PKM: variants seen among roughly 807,000 people sequenced by gnomAD.
PKM encodes the protein pyruvate kinase M1/2.
In PKM, 18 loss-of-function variants were observed where a neutral mutation model predicts 49.8. The observed-to-expected ratio is 0.36, with a 90% confidence interval of 0.25 to 0.54. The LOEUF (loss-of-function observed/expected upper bound fraction) is 0.54, where lower values mean the gene tolerates loss of function less well. Among genes scored for constraint, PKM ranks in the 20% least tolerant of loss-of-function variants. The pLI, the probability that PKM is intolerant of heterozygous loss-of-function variation, is 0.89. For missense variants in PKM, 508 were observed against 713.8 expected (o/e 0.71, Z 3.28); for synonymous variants, 239 against 261.8 (o/e 0.91, Z 0.84).
intron 1 of PKM, chr15:72,219,321 T>G: frequency 1.9e-6 from 1 of 536,768 alleles, no homozygotes. Flanking sequence ...AGGACCTTAC[T>G]GAACAAGTTA....
chr15:72,202,413 C>G lies in PKM; in HGVS notation c.1307+41G>C. The stretch of plus-strand genomic sequence containing the variant: ...TCCCAGGACCCCCAAGGTGAGGTAC[C>G]ACTGAGCAGGGCATTCCAGGGAGCC... On this transcript the variant is annotated intron_variant, in intron 9 of 10. Coordinates refer to ENST00000335181, the MANE Select transcript of PKM (RefSeq NM_002654.6). The surrounding 1 kb of genome is among the most constrained non-coding windows in gnomAD (Gnocchi z 4.5). 6.3e-7 allele frequency: 1 copy of G among 1,594,244 alleles called. No individual in the cohort carries two copies. The highest frequency in any genetic ancestry group is 1.3e-5 in the African/African-American group (1 of 74,638).
chr15:72,199,609 AG>A lies in PKM; in HGVS notation c.*40del. 1 of 1,225,062 alleles carries A rather than the reference AG, an allele frequency of 8.2e-7. No homozygotes were observed. The highest frequency in any genetic ancestry group is 1.1e-6 in the Non-Finnish European group (1 of 870,962). The allele number at this position is 1,225,062 out of a possible 1,614,324, so 75.9% of individuals were successfully genotyped here. On this transcript the variant is annotated 3_prime_UTR_variant, in exon 11 of 11. Transcript: ENST00000335181. ...CTGGCCTAATGGATGGGCTGGGGGA[AG>A]GGGGTGGGACAGGGGCTGGAGGAGG...
At chr15:72,203,226 AAGG>A (rs942268743) in intron 8 of PKM, 1 of 1,584,838 alleles carries the variant, frequency 6.3e-7, no homozygotes, top group Non-Finnish European at 8.7e-7. Context: ...AGGAAGAGGG[AAGG>A]AGGAGGAAAA....
chr15:72,230,611 G>C (rs1385431192), intron 1 of PKM, among the ~76,000 whole-genome samples: 1 of 152,152 alleles, frequency 6.6e-6, no homozygotes, highest in Non-Finnish European at 1.5e-5. Context: ...ATGGACGCGG[G>C]AGGGGAACCA....
rs115341654 is a variant in PKM, at chr15:72,219,157, T to G, written c.-13-47A>C. ...GAGAGTGGTAAGACTGAGAAGTGGT[T>G]AATATACCATTTAGCACAGAAGGCT... On this transcript the variant is annotated intron_variant, in intron 1 of 10. Transcript: ENST00000335181. The G allele has an allele frequency of 2.0e-3, 3,128 of 1,541,454 alleles. 41 individuals are homozygous for G. The African/African-American group carries it at 0.037, about 18-fold the overall frequency.
In PKM at chr15:72,208,837, T is replaced by C; in HGVS notation, c.620A>G (p.Lys207Arg). 6.2e-7 allele frequency: 1 copy of C among 1,614,122 alleles called. No homozygotes were observed. The highest frequency in any genetic ancestry group is 8.5e-7 in the Non-Finnish European group (1 of 1,180,042). ...AGCAGCCCCAGGAAGGTTCACACCC[T>C]TCTTGCTGCCCAAGGAGCCACCATT... ...VENGGSLGSK[K>R]GVNLPGAAVD... Residue 207 changes from lysine (K) to arginine (R), a missense_variant, in exon 6 of 11, where the codon AAG becomes AGG. By Grantham distance (26) the Lys-to-Arg change is conservative. Transcript: ENST00000335181.
chr15:72,223,119 G>A (rs775004307), intron 1 of PKM, among the ~76,000 whole-genome samples: 9 of 148,200 alleles, frequency 6.1e-5, no homozygotes, highest in Non-Finnish European at 1.2e-4. Context: ...ACCCTCAAAC[G>A]ATCCTCCAGC....
chr15:72,208,692 C>G lies in PKM; in HGVS notation c.765G>C (p.Arg255Ser). 1 of 1,614,166 alleles carries G rather than the reference C, an allele frequency of 6.2e-7. No homozygotes were observed. The highest frequency in any genetic ancestry group is 8.5e-7 in the Non-Finnish European group (1 of 1,180,022). The change falls in exon 6 of 11, where the codon AGG becomes AGC. Residue 255 changes from arginine (R) to serine (S), a missense_variant. Coordinates refer to ENST00000335181, the MANE Select transcript of PKM (RefSeq NM_002654.6). ...TCTTTCCCTTCTCTCCCAGGACCTT[C>G]CTAACTTCATGGACATCAGATGCCT... ...IRKASDVHEV[R>S]KVLGEKGKNI...
At chr15:72,223,491 T>G (rs371719554) in intron 1 of PKM, among the ~76,000 whole-genome samples, 1 of 152,190 alleles carries the variant, frequency 6.6e-6, no homozygotes, top group Non-Finnish European at 1.5e-5. Context: ...CAAGCCATCA[T>G]GAAGGCGTTT....
rs2081961601 is a variant in PKM, at chr15:72,202,198, T to C, written c.1307+256A>G. 1 of 557,584 alleles carries C rather than the reference T, an allele frequency of 1.8e-6. No homozygotes were observed. The highest frequency in any genetic ancestry group is 2.0e-5 in the South Asian group (1 of 49,320). The allele number at this position is 557,584 out of a possible 1,614,324, so 34.5% of individuals were successfully genotyped here. ...AACCATTTGTAGTCAGCCTGTGCAC[T>C]GTTATGTAATAAATCTCCAGCATAA... is the stretch of plus-strand genomic sequence containing the variant. On this transcript the variant is annotated intron_variant, in intron 9 of 10. Transcript: ENST00000335181. The surrounding 1 kb of genome is among the most constrained non-coding windows in gnomAD (Gnocchi z 4.5).
At chr15:72,206,600 T>G in intron 8 of PKM, 128 bp downstream of exon 8, 28 of 908,982 alleles carry the variant, frequency 3.1e-5, no homozygotes, top group Non-Finnish European at 4.5e-5. Flanking sequence ...CTTGCTGCTG[T>G]AACTTGGAGG....
rs1567109528 is a variant in PKM, at chr15:72,207,177, T to C, written c.937A>G (p.Met313Val). The C allele has an allele frequency of 6.2e-7, 1 of 1,614,120 alleles. No homozygotes were observed. The highest frequency in any genetic ancestry group is 8.5e-7 in the Non-Finnish European group (1 of 1,180,012). ...AEKVFLAQKM[M>V]IGRCNRAGKP... ...CCAGCTCGGTTGCACCGTCCAATCA[T>C]CATCTTCTGAGCAAGGAAGACCTTC... Residue 313 changes from methionine (M) to valine (V), a missense_variant, in exon 7 of 11, where the codon ATG becomes GTG. Physicochemically the swap from Met to Val is conservative, Grantham distance 21. Coordinates refer to ENST00000335181, the MANE Select transcript of PKM (RefSeq NM_002654.6).
chr15:72,214,066 G>A (rs2082319375), intron 3 of PKM, among the ~76,000 whole-genome samples: 1 of 152,018 alleles, frequency 6.6e-6, no homozygotes, highest in Non-Finnish European at 1.5e-5. Flanking sequence ...CCTTTTTAGG[G>A]TTTTCCTCCC....
intron 3 of PKM, 41 bp downstream of exon 3, chr15:72,217,368 A>G (rs2082401057): frequency 1.7e-6 from 2 of 1,185,198 alleles, no homozygotes; most frequent in Non-Finnish European, 2.5e-6. Flanking sequence ...CCTGTTTCCT[A>G]CAGGCCATCA....
At chr15:72,226,878 G>C (rs1040582322) in intron 1 of PKM, among the ~76,000 whole-genome samples, 11 of 152,212 alleles carry the variant, frequency 7.2e-5, no homozygotes, top group African/African-American at 2.7e-4. Context: ...TCCCTCCTAC[G>C]TGCAGACAAG....
intron 3 of PKM, 33 bp from the exon 4 acceptor site, chr15:72,210,511 T>C: frequency 6.2e-7 from 1 of 1,613,496 alleles, no homozygotes; most frequent in East Asian, 2.2e-5. Context: ...ACAAGCGTGC[T>C]CCCACACTAG....
At chr15:72,224,221 G>A (rs1242449367) in intron 1 of PKM, among the ~76,000 whole-genome samples, 1 of 152,200 alleles carries the variant, frequency 6.6e-6, no homozygotes, top group Non-Finnish European at 1.5e-5. Context: ...CTGGGACATG[G>A]TGCCTCCTTA....
intron 3 of PKM, among the ~76,000 whole-genome samples, chr15:72,212,338 G>A (rs1226516072): frequency 6.6e-6 from 1 of 152,118 alleles, no homozygotes; most frequent in African/African-American, 2.4e-5. Context: ...AGCTGGGCGT[G>A]GTGGCGTGCA....
chr15:72,202,171 A>G lies in PKM; in HGVS notation c.1307+283T>C. 1 of 480,084 alleles carries G rather than the reference A, an allele frequency of 2.1e-6. No homozygotes were observed. The allele number at this position is 480,084 out of a possible 1,614,324, so 29.7% of individuals were successfully genotyped here. On this transcript the variant is annotated intron_variant, in intron 9 of 10. Coordinates refer to ENST00000335181, the MANE Select transcript of PKM (RefSeq NM_002654.6). The surrounding 1 kb of genome is among the most constrained non-coding windows in gnomAD (Gnocchi z 4.5). ...TAGAGGACTAAATTTTCAATATCAA[A>G]TAACCATTTGTAGTCAGCCTGTGCA...
Sources: gnomAD v4.1 joint callset for allele counts (sites outside exome capture counted in the v4.1 genomes callset) on GRCh38, gnomAD v4.1.1 for gene constraint, Gnocchi (gnomAD v3.1) non-coding constraint, MANE v1.5 for transcripts, NCBI Gene and HGNC (gene_info 2026-07-23, HGNC 2026-07-21) for gene names.